The following PCGF3 variants were observed in gnomAD, a reference collection of about 807,000 sequenced individuals.
PCGF3 encodes the protein polycomb group ring finger 3, also known as polycomb group RING finger protein 3.
PCGF3 carries 7 observed loss-of-function variants against 33.1 expected under a neutral mutation model. The ratio of observed to expected loss-of-function variants is 0.21; its 90% CI spans 0.12 to 0.40. PCGF3 has a LOEUF of 0.40. Among genes scored for constraint, PCGF3 ranks in the 10% least tolerant of loss-of-function variants. PCGF3 has a pLI of 1.00. For missense variants in PCGF3, 211 were observed against 313.3 expected, an observed-to-expected ratio of 0.67 and a Z score of 2.46; for synonymous variants, 153 against 121.3, an observed-to-expected ratio of 1.26 and a Z score of -1.72.
intron 1 of PCGF3, among the ~76,000 whole-genome samples, chr4:711,286 G>A (rs773445348): frequency 1.3e-5 from 2 of 152,212 alleles, no homozygotes; most frequent in African/African-American, 4.8e-5. Flanking sequence ...GCCCTTTGCC[G>A]TGGGCTAGAA....
exon 8 of PCGF3, chr4:744,641 G>A (rs1373108915): frequency 1.3e-6 from 2 of 1,562,262 alleles, no homozygotes. Context: ...AGAGGCCGCG[G>A]AGGAGAAGCC....
intron 8 of PCGF3, among the ~76,000 whole-genome samples, chr4:748,926 C>T (rs1440854788): frequency 6.6e-6 from 1 of 152,104 alleles, no homozygotes; most frequent in African/African-American, 2.4e-5. Context: ...GCTGGGTGGG[C>T]TGGTGTTCCA....
intron 6 of PCGF3, among the ~76,000 whole-genome samples, chr4:738,081 C>T (rs1273600030): frequency 2.6e-5 from 4 of 152,234 alleles, no homozygotes; most frequent in South Asian, 2.1e-4. Context: ...CCTCCGCTGG[C>T]GACCGGCAAG....
intron 8 of PCGF3, 146 bp from the exon 9 acceptor site, chr4:761,133 T>G (rs1015386470): frequency 1.9e-6 from 1 of 516,098 alleles, no homozygotes; most frequent in Non-Finnish European, 3.3e-6. Flanking sequence ...ATTCTTTTTC[T>G]GCAGTGTTGA....
chr4:769,673 G>C (rs1274534444), exon 11 of PCGF3: 1 of 151,338 alleles, frequency 6.6e-6, no homozygotes, highest in Admixed American at 6.6e-5. Flanking sequence ...GCACCCAACA[G>C]TGCGTCTGAG....
chr4:768,241 TAGG>T (rs1270990713), exon 11 of PCGF3: 11 of 152,796 alleles, frequency 7.2e-5, no homozygotes, highest in African/African-American at 2.4e-4. Flanking sequence ...CCTATTTTTC[TAGG>T]AGTTCATCGT....
intron 1 of PCGF3, among the ~76,000 whole-genome samples, chr4:706,765 C>T (rs1256633720): frequency 1.2e-4 from 16 of 131,876 alleles, no homozygotes; most frequent in African/African-American, 4.8e-4. Flanking sequence ...AGGGCGAAGA[C>T]CCCAGACCAG....
intron 8 of PCGF3, among the ~76,000 whole-genome samples, chr4:754,748 G>A (rs1227179458): frequency 6.6e-6 from 1 of 152,210 alleles, no homozygotes; most frequent in Non-Finnish European, 1.5e-5. Flanking sequence ...GCCTGGCGTG[G>A]CTTTATCCCC....
intron 3 of PCGF3, among the ~76,000 whole-genome samples, chr4:732,856 G>A (rs941344952): frequency 2.0e-5 from 3 of 152,306 alleles, no homozygotes; most frequent in African/African-American, 4.8e-5. Context: ...CACGCGGAGC[G>A]GCCCTGCTCT....
rs762308392 is a variant in PCGF3 at position 733,674 on chromosome 4, G to A, written c.-7G>A. The A allele has an allele frequency of 3.7e-6, 6 of 1,600,400 alleles. No homozygotes were observed. In the Admixed American group the frequency reaches 6.7e-5, roughly 18 times the overall value. On this transcript the variant is annotated splice_region_variant and 5_prime_UTR_variant, in exon 4 of 11. Transcript: ENST00000362003. ...ATTAATCGCGTTTTCTCTTGTAGAA[G>A]CCAAAGATGTTGACCAGGAAGATCA...
chr4:706,154 G>A (rs1742286396), intron 1 of PCGF3, among the ~76,000 whole-genome samples, 184 bp downstream of exon 1: 1 of 152,218 alleles, frequency 6.6e-6, no homozygotes, highest in Admixed American at 6.5e-5. Context: ...TCAGGACTCC[G>A]GGAGGTCGAA....
At chr4:708,202 A>C (rs1742418091) in intron 1 of PCGF3, among the ~76,000 whole-genome samples, 1 of 152,086 alleles carries the variant, frequency 6.6e-6, no homozygotes, top group African/African-American at 2.4e-5. Context: ...CAGGACCTCA[A>C]ACGGGGTCAC....
chr4:768,161 A>T (rs76358337), exon 11 of PCGF3: 1 of 152,802 alleles, frequency 6.5e-6, no homozygotes, highest in South Asian at 2.1e-4. Flanking sequence ...GCCCGTGTCG[A>T]TGTCTTCAGC....
intron 8 of PCGF3, among the ~76,000 whole-genome samples, chr4:749,499 T>TTTTTTTTTTTTTTTTTA (rs1744418837): frequency 8.4e-6 from 1 of 118,844 alleles, no homozygotes; most frequent in Admixed American, 8.7e-5. Flanking sequence ...TTTTTTTTTT[T>TTTTTTTTTTTTTTTTTA]TGAGACAGTC....
At chr4:761,853 C>T (rs1461307801) in intron 9 of PCGF3, 6 of 985,410 alleles carry the variant, frequency 6.1e-6, no homozygotes, top group Non-Finnish European at 7.2e-6. Flanking sequence ...AGTGTGGGTC[C>T]CTGTGAGCCC....
At chr4:735,885 T>C (rs1445061179) in intron 5 of PCGF3, among the ~76,000 whole-genome samples, 1 of 152,190 alleles carries the variant, frequency 6.6e-6, no homozygotes, top group Non-Finnish European at 1.5e-5. Context: ...GAGCGTGTGG[T>C]TCTCACACAG....
chr4:736,050 TTTTA>T (rs1356123873), intron 5 of PCGF3, among the ~76,000 whole-genome samples: 13 of 152,186 alleles, frequency 8.5e-5, no homozygotes, highest in Middle Eastern at 3.4e-3. Flanking sequence ...TTTTTCTTAA[TTTTA>T]TTTATTTTTC....
At chr4:729,628 C>G (rs1244591425) in intron 1 of PCGF3, among the ~76,000 whole-genome samples, 1 of 152,172 alleles carries the variant, frequency 6.6e-6, no homozygotes, top group South Asian at 2.1e-4. Context: ...TCAAGTGCCT[C>G]AGACATGCCT....
chr4:769,057 TTGTG>T (rs750016934), exon 11 of PCGF3: 4 of 152,700 alleles, frequency 2.6e-5, no homozygotes, highest in African/African-American at 4.8e-5. Context: ...GTTATTGGGG[TTGTG>T]TGTGAGTGCC....
Sources: allele counts gnomAD v4.1 joint callset (sites outside exome capture counted in the v4.1 genomes callset), GRCh38; gene constraint gnomAD v4.1.1; transcripts MANE v1.5; gene names NCBI Gene and HGNC (gene_info 2026-07-23, HGNC 2026-07-21).